DNAJC6: variants seen among roughly 807,000 people sequenced by gnomAD.
The protein encoded by DNAJC6 is auxilin.
Under a neutral mutation model 110.0 loss-of-function variants are expected in DNAJC6, and 34 were observed. That is an observed-to-expected ratio of 0.31 (90% CI 0.24 to 0.41). DNAJC6 has a LOEUF of 0.41. DNAJC6 is among the 10% of genes least tolerant of loss of function. DNAJC6 has a pLI of 1.00. For synonymous variants in DNAJC6, 406 were observed against 437.2 expected (o/e 0.93, Z 0.89); for missense variants, 1,031 against 1,207.8 (o/e 0.85, Z 2.17).
intron 4 of DNAJC6, among the ~76,000 whole-genome samples, chr1:65,373,249 A>C (rs1645725085): frequency 6.6e-6 from 1 of 152,138 alleles, no homozygotes; most frequent in Admixed American, 6.5e-5. Flanking sequence ...GCTATTGTGA[A>C]TAGTGCTGCA....
chr1:65,276,046 T>G (rs981649250), intron 1 of DNAJC6, among the ~76,000 whole-genome samples: 2 of 152,094 alleles, frequency 1.3e-5, no homozygotes, highest in Admixed American at 1.3e-4. Flanking sequence ...TATGCCTGGC[T>G]AATTTTTGTA....
chr1:65,301,417 A>G (rs1276287515), intron 1 of DNAJC6, among the ~76,000 whole-genome samples: 1 of 152,094 alleles, frequency 6.6e-6, no homozygotes, highest in Non-Finnish European at 1.5e-5. Flanking sequence ...AGTGTCAGAT[A>G]CCACTGACAC....
At chr1:65,384,919 A>G (rs1645856616) in intron 6 of DNAJC6, among the ~76,000 whole-genome samples, 2 of 152,228 alleles carry the variant, frequency 1.3e-5, no homozygotes, top group African/African-American at 4.8e-5. Context: ...ACTTTAAAGA[A>G]TACTTATATC....
chr1:65,411,441 C>T lies in DNAJC6; in HGVS notation c.2811+15C>T, dbSNP rs755781146. 2.5e-6 allele frequency: 4 copies of T among 1,604,998 alleles called. No homozygotes were observed. In the South Asian group the frequency reaches 3.3e-5, roughly 13 times the overall value. On this transcript the variant is annotated intron_variant, in intron 18 of 18. Transcript: ENST00000371069. ...ACCCAGATAAAGTGGGTATAACCTG[C>T]CCTGTTGTGTAACTTGTCAGGTCCT...
chr1:65,297,691 T>C (rs1268718359), intron 1 of DNAJC6, among the ~76,000 whole-genome samples: 1 of 152,208 alleles, frequency 6.6e-6, no homozygotes, highest in East Asian at 1.9e-4. Flanking sequence ...CCTTCTTGCC[T>C]GAAACCAGAC....
chr1:65,353,321 G>A (rs1206084236), intron 1 of DNAJC6, among the ~76,000 whole-genome samples: 2 of 152,116 alleles, frequency 1.3e-5, no homozygotes, highest in Admixed American at 1.3e-4. Flanking sequence ...ATAATGCAGA[G>A]CCTTTTTATT....
chr1:65,388,557 G>A, intron 9 of DNAJC6, 142 bp downstream of exon 9: 1 of 730,826 alleles, frequency 1.4e-6, no homozygotes, highest in South Asian at 1.7e-5. Context: ...GAGAGGCTGT[G>A]GGCATTCTAA....
intron 14 of DNAJC6, among the ~76,000 whole-genome samples, chr1:65,399,661 T>G (rs1225423656): frequency 6.6e-6 from 1 of 152,108 alleles, no homozygotes; most frequent in Non-Finnish European, 1.5e-5. Flanking sequence ...CCACTGACCT[T>G]CTCACATAAC....
intron 1 of DNAJC6, among the ~76,000 whole-genome samples, chr1:65,295,332 A>G (rs1309809573): frequency 1.3e-5 from 2 of 152,126 alleles, no homozygotes; most frequent in East Asian, 1.9e-4. Flanking sequence ...ACTTGTCTCC[A>G]TATGTCAGAA....
chr1:65,351,850 C>T (rs964340526), intron 1 of DNAJC6, among the ~76,000 whole-genome samples: 4 of 152,284 alleles, frequency 2.6e-5, no homozygotes, highest in Admixed American at 2.6e-4. Context: ...AATGCAACCT[C>T]TGCCTTCAGG....
At chr1:65,395,097 C>T in intron 13 of DNAJC6, 65 bp downstream of exon 13, 11 of 1,470,194 alleles carry the variant, frequency 7.5e-6, no homozygotes, top group Non-Finnish European at 9.0e-6. Flanking sequence ...AGTAAGTGCT[C>T]ATATATAAAA....
At chr1:65,293,798 T>C (rs1482727532) in intron 1 of DNAJC6, among the ~76,000 whole-genome samples, 1 of 152,196 alleles carries the variant, frequency 6.6e-6, no homozygotes, top group Non-Finnish European at 1.5e-5. Context: ...TACAGAGGCA[T>C]AGTTTTGTCT....
At chr1:65,412,825 A>G in intron 18 of DNAJC6, 99 bp from the exon 19 acceptor site, 1 of 1,009,442 alleles carries the variant, frequency 9.9e-7, no homozygotes, top group East Asian at 2.4e-5. Flanking sequence ...ATAGAAAAAC[A>G]TTTCCATTGC....
intron 1 of DNAJC6, among the ~76,000 whole-genome samples, chr1:65,351,835 G>A (rs11208636): frequency 0.71 from 108,383 of 151,986 alleles, 39,768 homozygotes; most frequent in African/African-American, 0.89. Context: ...GCGCGATCTC[G>A]GCTCAATGCA....
At chr1:65,299,617 G>T (rs1432316255) in intron 1 of DNAJC6, among the ~76,000 whole-genome samples, 1 of 152,090 alleles carries the variant, frequency 6.6e-6, no homozygotes, top group Non-Finnish European at 1.5e-5. Context: ...AGCTCTTTAT[G>T]TACTTTATGT....
intron 13 of DNAJC6, 110 bp from the exon 14 acceptor site, chr1:65,398,697 GGATCTT>G: frequency 4.2e-6 from 4 of 949,770 alleles, no homozygotes; most frequent in Non-Finnish European, 4.9e-6. Context: ...GGATATCTTG[GGATCTT>G]GCTGGGGCCA....
At chr1:65,376,101 A>G (rs1019664043) in intron 4 of DNAJC6, among the ~76,000 whole-genome samples, 1 of 152,036 alleles carries the variant, frequency 6.6e-6, no homozygotes, top group Non-Finnish European at 1.5e-5. Flanking sequence ...CTATTTCTTC[A>G]TGGTTCAATC....
intron 18 of DNAJC6, among the ~76,000 whole-genome samples, chr1:65,412,151 A>G (rs978551446): frequency 6.6e-6 from 1 of 152,218 alleles, no homozygotes; most frequent in African/African-American, 2.4e-5. Flanking sequence ...AATATTCAGA[A>G]TGGAATTAAA....
chr1:65,289,264 C>A (rs547473940), intron 1 of DNAJC6, among the ~76,000 whole-genome samples: 1 of 152,022 alleles, frequency 6.6e-6, no homozygotes, highest in Non-Finnish European at 1.5e-5. Flanking sequence ...GGCACGATCT[C>A]GGCTCACTGC....
Sources: allele counts gnomAD v4.1 joint callset (sites outside exome capture counted in the v4.1 genomes callset), GRCh38; gene constraint gnomAD v4.1.1; transcripts MANE v1.5; gene names NCBI Gene and HGNC (gene_info 2026-07-23, HGNC 2026-07-21).